The following MAPKAP1 variants were observed in gnomAD, a reference collection of about 807,000 sequenced individuals.
MAPKAP1 encodes the protein target of rapamycin complex 2 subunit MAPKAP1.
Under a neutral mutation model 65.7 loss-of-function variants are expected in MAPKAP1, and 20 were observed. The observed-to-expected ratio is 0.30, with a 90% CI of 0.21 to 0.44. The LOEUF is 0.44. Among genes scored for constraint, MAPKAP1 ranks in the 20% least tolerant of loss-of-function variants. The pLI is 1.00. For missense variants in MAPKAP1, 423 were observed against 648.0 expected (o/e 0.65, Z 3.77); for synonymous variants, 222 against 244.3 (o/e 0.91, Z 0.85).
chr9:125,697,454 A>G (rs1391970319), intron 1 of MAPKAP1, among the ~76,000 whole-genome samples: 2 of 152,182 alleles, frequency 1.3e-5, no homozygotes, highest in Non-Finnish European at 2.9e-5. Context: ...CATAATTGGG[A>G]CCATACTTTA....
At chr9:125,493,000 T>C (rs1010553382) in intron 8 of MAPKAP1, among the ~76,000 whole-genome samples, 1 of 150,748 alleles carries the variant, frequency 6.6e-6, no homozygotes, top group African/African-American at 2.4e-5. Context: ...GGAAAAAACA[T>C]AAAGTCCACA....
chr9:125,619,644 A>G (rs936764860), intron 4 of MAPKAP1, among the ~76,000 whole-genome samples: 2 of 152,166 alleles, frequency 1.3e-5, no homozygotes, highest in African/African-American at 4.8e-5. Flanking sequence ...ATATACGAAC[A>G]TAGCAGAAAA....
In MAPKAP1 at chr9:125,626,827, T is replaced by C. The variant is rs988789017; in HGVS notation, c.498+30824A>G. Among the ~76,000 whole-genome samples the C allele has an allele frequency of 4.6e-5, 7 of 152,362 alleles. 1 individual carries two copies. The highest frequency in any genetic ancestry group is 6.5e-5 in the Admixed American group (1 of 15,304). On this transcript the variant is annotated intron_variant, in intron 4 of 11. Coordinates refer to ENST00000265960, the MANE Select transcript of MAPKAP1 (RefSeq NM_001006617.3). Reference sequence around the variant, plus strand: ...ATCAGAGAGGTGTGATTAATATTCATGTCCAAAATACTTAACAATAATTAC... The same window carrying C: ...ATCAGAGAGGTGTGATTAATATTCACGTCCAAAATACTTAACAATAATTAC...
intron 10 of MAPKAP1, among the ~76,000 whole-genome samples, chr9:125,458,761 C>T (rs1352802954): frequency 1.3e-5 from 2 of 148,934 alleles, no homozygotes; most frequent in Non-Finnish European, 3.0e-5. Flanking sequence ...GGTGGCTGGG[C>T]AGAGGGGCTC....
Position 125,503,880 on chromosome 9 carries a change from C to CTTTTTTTTTTTTTTTTTTTTT in MAPKAP1, c.1066+2409_1066+2429dup, listed in dbSNP as rs35867576. Among the ~76,000 whole-genome samples the CTTTTTTTTTTTTTTTTTTTTT allele has an allele frequency of 4.1e-4, 27 of 66,246 alleles. 3 individuals carry two copies. The highest frequency in any genetic ancestry group is 1.3e-3 in the East Asian group (2 of 1,542). The allele number at this position is 66,246 out of a possible 152,430, so 43.5% of individuals were successfully genotyped here. On this transcript the variant is annotated intron_variant, in intron 8 of 11. Coordinates refer to ENST00000265960, the MANE Select transcript of MAPKAP1 (RefSeq NM_001006617.3). Reference sequence around the variant, plus strand: ...TATAGGCACCCGCCACCACGCTTGGCTTTTTTTTTTTTTTTTTTTTTTTTT... The same window carrying CTTTTTTTTTTTTTTTTTTTTT: ...TATAGGCACCCGCCACCACGCTTGGCTTTTTTTTTTTTTTTTTTTTTTTTTTTTTTTTTTTTTTTTTTTTTT...
At chr9:125,606,899 G>A (rs931541328) in intron 4 of MAPKAP1, among the ~76,000 whole-genome samples, 3 of 152,122 alleles carry the variant, frequency 2.0e-5, no homozygotes, top group African/African-American at 4.8e-5. Flanking sequence ...TGTCTGAGAC[G>A]GCTCATGGGT....
At chr9:125,688,748 A>T (rs1255948879) in intron 1 of MAPKAP1, among the ~76,000 whole-genome samples, 1 of 152,152 alleles carries the variant, frequency 6.6e-6, no homozygotes, top group Non-Finnish European at 1.5e-5. Context: ...CTTAAAAACA[A>T]AATAAAGGCA....
intron 1 of MAPKAP1, among the ~76,000 whole-genome samples, chr9:125,683,224 CTG>C (rs1437274573): frequency 1.3e-5 from 2 of 152,134 alleles, no homozygotes; most frequent in Non-Finnish European, 2.9e-5. Context: ...TCCCAAAGTG[CTG>C]GGGTTACAGG....
intron 5 of MAPKAP1, among the ~76,000 whole-genome samples, chr9:125,562,348 C>T (rs1172887444): frequency 2.6e-5 from 4 of 152,092 alleles, no homozygotes. Context: ...TTGTAAAGTG[C>T]CCCCCTGGGC....
At chr9:125,706,323 T>G (rs1004369140) in intron 1 of MAPKAP1, among the ~76,000 whole-genome samples, 1 of 152,128 alleles carries the variant, frequency 6.6e-6, no homozygotes, top group Non-Finnish European at 1.5e-5. Flanking sequence ...TTTGGGTTTA[T>G]AACAACATGG....
chr9:125,671,348 C>A (rs1834492882), intron 2 of MAPKAP1, among the ~76,000 whole-genome samples: 1 of 152,168 alleles, frequency 6.6e-6, no homozygotes. Context: ...GTGCCTTTCA[C>A]AGTAAATTGT....
At chr9:125,539,174 C>G (rs956673560) in intron 7 of MAPKAP1, among the ~76,000 whole-genome samples, 1 of 152,126 alleles carries the variant, frequency 6.6e-6, no homozygotes, top group African/African-American at 2.4e-5. Context: ...TCAAGTTCTA[C>G]GTGAAATTTT....
At chr9:125,537,895 G>A (rs982630593) in intron 7 of MAPKAP1, among the ~76,000 whole-genome samples, 3 of 152,188 alleles carry the variant, frequency 2.0e-5, no homozygotes, top group Non-Finnish European at 2.9e-5. Flanking sequence ...GCTGCAGCCA[G>A]TCTAGTACAG....
chr9:125,693,667 A>G (rs1369525218), intron 1 of MAPKAP1, among the ~76,000 whole-genome samples: 3 of 126,074 alleles, frequency 2.4e-5, no homozygotes, highest in African/African-American at 5.7e-5. Flanking sequence ...ATACACACAC[A>G]TATACACGTA....
intron 4 of MAPKAP1, among the ~76,000 whole-genome samples, chr9:125,605,109 T>C (rs561905137): frequency 1.3e-5 from 2 of 152,316 alleles, no homozygotes; most frequent in South Asian, 4.1e-4. Flanking sequence ...CATAGTATAA[T>C]TTAACGAGAA....
chr9:125,466,806 G>A (rs1178839125), intron 10 of MAPKAP1, among the ~76,000 whole-genome samples: 1 of 152,240 alleles, frequency 6.6e-6, no homozygotes, highest in Admixed American at 6.5e-5. Context: ...AGCTGTAGGC[G>A]AATGAGCTGA....
intron 4 of MAPKAP1, among the ~76,000 whole-genome samples, chr9:125,641,009 G>C (rs937490930): frequency 2.0e-5 from 3 of 152,094 alleles, no homozygotes; most frequent in Non-Finnish European, 2.9e-5. Flanking sequence ...CGTATAGCAG[G>C]GTGTGATCTT....
At chr9:125,440,626 C>T (rs1589191295) in intron 11 of MAPKAP1, among the ~76,000 whole-genome samples, 3 of 152,212 alleles carry the variant, frequency 2.0e-5, no homozygotes, top group South Asian at 2.1e-4. Flanking sequence ...CTCAGATGGC[C>T]GAGGCTTCAA....
chr9:125,462,463 A>G (rs1455979987), intron 10 of MAPKAP1, among the ~76,000 whole-genome samples: 1 of 152,216 alleles, frequency 6.6e-6, no homozygotes, highest in Non-Finnish European at 1.5e-5. Context: ...CAGTTTAGGG[A>G]ACCCAGCATC....
Sources: gnomAD v4.1 joint callset for allele counts (sites outside exome capture counted in the v4.1 genomes callset) on GRCh38, gnomAD v4.1.1 for gene constraint, MANE v1.5 for transcripts, NCBI Gene and HGNC (gene_info 2026-07-23, HGNC 2026-07-21) for gene names.